Variants in DNAH5 observed in about 807,000 individuals in gnomAD.
The protein encoded by DNAH5 is dynein axonemal heavy chain 5, also known as axonemal beta dynein heavy chain 5.
DNAH5 carries 372 observed loss-of-function variants against 518.2 expected under a neutral mutation model. The observed-to-expected ratio is 0.72, with a 90% CI of 0.66 to 0.78. The LOEUF (loss-of-function observed/expected upper bound fraction) is 0.78. Among genes scored for constraint, DNAH5 ranks in the 30% least tolerant of loss-of-function variants. The pLI is 0.00. For missense variants in DNAH5, 5,523 were observed against 5,687.0 expected (o/e 0.97, Z 0.93); for synonymous variants, 2,039 against 2,025.9 (o/e 1.01, Z -0.17).
At chr5:13,801,028 C>A (rs1352832006) in intron 47 of DNAH5, among the ~76,000 whole-genome samples, 7 of 152,136 alleles carry the variant, frequency 4.6e-5, no homozygotes, top group African/African-American at 1.4e-4. Context: ...ATACAAGAAA[C>A]CTGGAGTCAT....
chr5:13,807,280 G>A (rs902399433), intron 47 of DNAH5, among the ~76,000 whole-genome samples: 23 of 152,162 alleles, frequency 1.5e-4, no homozygotes, highest in African/African-American at 2.2e-4. Context: ...AGGTTTAGGT[G>A]GGGAATAAAT....
intron 1 of DNAH5, among the ~76,000 whole-genome samples, chr5:13,966,017 T>C (rs1033545287): frequency 2.0e-5 from 3 of 149,758 alleles, no homozygotes; most frequent in Admixed American, 1.3e-4. Context: ...CTAATGTCCA[T>C]TGTATCATTC....
chr5:13,791,910 A>C, intron 50 of DNAH5, 84 bp downstream of exon 50: 1 of 1,200,282 alleles, frequency 8.3e-7, no homozygotes, highest in South Asian at 1.4e-5. Context: ...TTCACAGTTC[A>C]AGTAAAAAAT....
rs962201033 is a variant in DNAH5, at chr5:13,909,370, C to A, written c.1644+2016G>T. Among the ~76,000 whole-genome samples the A allele has an allele frequency of 2.0e-5, 3 of 151,516 alleles. No individual in the cohort carries two copies. In the South Asian group the frequency reaches 6.2e-4, roughly 32 times the overall value. Reference sequence around the variant, plus strand: ...AATAAAAGTTATGTGAATGTGGCCCCTCTCTCTCTCAAAATATTTTATTGT... The same window carrying A: ...AATAAAAGTTATGTGAATGTGGCCCATCTCTCTCTCAAAATATTTTATTGT... On this transcript the variant is annotated intron_variant, in intron 12 of 78. Transcript: ENST00000265104.
intron 76 of DNAH5, among the ~76,000 whole-genome samples, chr5:13,705,141 G>A (rs1579826949): frequency 6.6e-6 from 1 of 152,048 alleles, no homozygotes; most frequent in African/African-American, 2.4e-5. Context: ...ACAGATGCAT[G>A]CTGCCACACC....
chr5:13,885,343 C>T, intron 18 of DNAH5, 115 bp from the exon 19 acceptor site: 1 of 1,321,708 alleles, frequency 7.6e-7, no homozygotes, highest in Non-Finnish European at 1.1e-6. Flanking sequence ...GGATAAATTA[C>T]ATGCAAGTTT....
chr5:13,980,595 C>T (rs745932516), intron 1 of DNAH5, among the ~76,000 whole-genome samples: 1 of 152,144 alleles, frequency 6.6e-6, no homozygotes, highest in African/African-American at 2.4e-5. Context: ...TAGCCCAAAT[C>T]TGACCACCTC....
chr5:13,841,236 A>G (rs1485635022), intron 33 of DNAH5, 106 bp from the exon 34 acceptor site: 1 of 891,082 alleles, frequency 1.1e-6, no homozygotes, highest in Admixed American at 2.1e-5. Flanking sequence ...GTGTAAAGCC[A>G]TGATTACATC....
chr5:13,751,003 G>T, intron 65 of DNAH5, 75 bp downstream of exon 65: 2 of 1,489,794 alleles, frequency 1.3e-6, no homozygotes, highest in Non-Finnish European at 1.9e-6. Flanking sequence ...TATTACAACT[G>T]TTATTATCTT....
intron 78 of DNAH5, among the ~76,000 whole-genome samples, chr5:13,699,358 T>A (rs949286138): frequency 6.6e-6 from 1 of 152,200 alleles, no homozygotes; most frequent in African/African-American, 2.4e-5. Flanking sequence ...GATCTTTGCA[T>A]CCCTAGCACC....
chr5:13,921,440 C>CTCTG (rs1257837103), intron 5 of DNAH5, among the ~76,000 whole-genome samples: 2 of 142,846 alleles, frequency 1.4e-5, no homozygotes, highest in African/African-American at 2.6e-5. Context: ...CTCTCTGTCT[C>CTCTG]TCTCTCTCTC....
chr5:13,723,730 A>G (rs1219378125), intron 70 of DNAH5, among the ~76,000 whole-genome samples: 1 of 152,242 alleles, frequency 6.6e-6, no homozygotes, highest in African/African-American at 2.4e-5. Flanking sequence ...ACAAAATATT[A>G]GTCTTCTGGT....
At chr5:13,870,360 C>T (rs996082683) in intron 24 of DNAH5, among the ~76,000 whole-genome samples, 1 of 152,138 alleles carries the variant, frequency 6.6e-6, no homozygotes, top group Non-Finnish European at 1.5e-5. Context: ...TAGCCCATTT[C>T]CTACTGACTT....
At chr5:13,987,010 C>T (rs968105066) in intron 1 of DNAH5, among the ~76,000 whole-genome samples, 2 of 152,282 alleles carry the variant, frequency 1.3e-5, no homozygotes, top group African/African-American at 2.4e-5. Flanking sequence ...GTGAAACGTC[C>T]GTCAGTGGGA....
intron 55 of DNAH5, among the ~76,000 whole-genome samples, chr5:13,775,928 G>C (rs1754020572): frequency 7.2e-6 from 1 of 138,900 alleles, no homozygotes; most frequent in South Asian, 2.3e-4. Context: ...CTGGGTATCT[G>C]TTTCTTTTAA....
chr5:13,874,370 C>A (rs1770562126), intron 22 of DNAH5, among the ~76,000 whole-genome samples: 1 of 152,102 alleles, frequency 6.6e-6, no homozygotes, highest in Non-Finnish European at 1.5e-5. Context: ...AAGTGTCTGT[C>A]TTTATTAAAT....
intron 78 of DNAH5, among the ~76,000 whole-genome samples, chr5:13,699,005 C>T (rs10055055): frequency 3.9e-5 from 6 of 151,902 alleles, no homozygotes; most frequent in Admixed American, 2.0e-4. Flanking sequence ...CCCCTGTTTG[C>T]GACTCAGCTC....
intron 1 of DNAH5, among the ~76,000 whole-genome samples, chr5:13,973,027 T>C: frequency 6.6e-6 from 1 of 152,314 alleles, no homozygotes; most frequent in Admixed American, 6.5e-5. Flanking sequence ...AACAGGGGCT[T>C]AGCAGATGTG....
intron 38 of DNAH5, among the ~76,000 whole-genome samples, chr5:13,828,460 T>C (rs1763208923): frequency 6.6e-6 from 1 of 152,212 alleles, no homozygotes; most frequent in Non-Finnish European, 1.5e-5. Flanking sequence ...GGTGGTCATG[T>C]CCTTATATGA....
Sources: allele counts gnomAD v4.1 joint callset (sites outside exome capture counted in the v4.1 genomes callset), GRCh38; gene constraint gnomAD v4.1.1; transcripts MANE v1.5; gene names NCBI Gene and HGNC (gene_info 2026-07-23, HGNC 2026-07-21).